The following CDKAL1 variants were observed in gnomAD, a reference collection of about 807,000 sequenced individuals.
CDKAL1 encodes the protein CDKAL1 threonylcarbamoyladenosine tRNA methylthiotransferase, also known as threonylcarbamoyladenosine tRNA methylthiotransferase.
Under a neutral mutation model 68.2 loss-of-function variants are expected in CDKAL1, and 32 were observed. The ratio of observed to expected loss-of-function variants is 0.47; its 90% CI spans 0.35 to 0.63. CDKAL1 has a LOEUF of 0.63. Among genes scored for constraint, CDKAL1 ranks in the 30% least tolerant of loss-of-function variants. The pLI, the probability that CDKAL1 is intolerant of heterozygous loss-of-function variation, is 0.00. For synonymous variants in CDKAL1, 234 were observed against 244.3 expected, an observed-to-expected ratio of 0.96 and a Z score of 0.39; for missense variants, 606 against 696.7, an observed-to-expected ratio of 0.87 and a Z score of 1.47.
intron 2 of CDKAL1, among the ~76,000 whole-genome samples, chr6:20,543,240 A>G (rs1474306306): frequency 6.6e-6 from 1 of 152,226 alleles, no homozygotes; most frequent in African/African-American, 2.4e-5. Context: ...AGAAAACACC[A>G]AACTGTTTAC....
At chr6:20,767,747 ATT>A (rs1293353602) in intron 7 of CDKAL1, among the ~76,000 whole-genome samples, 1 of 152,224 alleles carries the variant, frequency 6.6e-6, no homozygotes, top group Non-Finnish European at 1.5e-5. Context: ...CGATTTGAAC[ATT>A]TATTTCTAAT....
At chr6:20,891,815 G>A (rs956935017) in intron 9 of CDKAL1, among the ~76,000 whole-genome samples, 4 of 152,298 alleles carry the variant, frequency 2.6e-5, no homozygotes, top group South Asian at 2.1e-4. Context: ...TTACAGGCGT[G>A]AGCCACGGCG....
At chr6:20,647,155 C>T (rs1160118457) in intron 4 of CDKAL1, among the ~76,000 whole-genome samples, 1 of 152,132 alleles carries the variant, frequency 6.6e-6, no homozygotes. Context: ...CATAGTATTG[C>T]TTTGTCATTT....
intron 6 of CDKAL1, among the ~76,000 whole-genome samples, chr6:20,746,501 TG>T (rs1318526331): frequency 2.0e-5 from 3 of 152,190 alleles, no homozygotes; most frequent in Non-Finnish European, 2.9e-5. Flanking sequence ...GCTAGCTTAG[TG>T]ACTGCTGTCA....
intron 15 of CDKAL1, among the ~76,000 whole-genome samples, chr6:21,220,782 C>T (rs1484698127): frequency 6.6e-6 from 1 of 152,226 alleles, no homozygotes; most frequent in East Asian, 1.9e-4. Context: ...CACCTTTGCT[C>T]ATTCCTTCTT....
chr6:21,039,602 G>A (rs1243057212), intron 11 of CDKAL1, among the ~76,000 whole-genome samples: 1 of 152,132 alleles, frequency 6.6e-6, no homozygotes, highest in African/African-American at 2.4e-5. Context: ...CTTTGCACCT[G>A]TATTTTTGTT....
intron 15 of CDKAL1, among the ~76,000 whole-genome samples, chr6:21,226,284 G>GTTT (rs57712859): frequency 7.2e-6 from 1 of 138,724 alleles, no homozygotes; most frequent in African/African-American, 2.7e-5. Context: ...GAACATGAAA[G>GTTT]TTTTTTTTTT....
chr6:20,942,467 A>C (rs1292785695), intron 9 of CDKAL1, among the ~76,000 whole-genome samples: 3 of 149,818 alleles, frequency 2.0e-5, no homozygotes, highest in Non-Finnish European at 4.4e-5. Flanking sequence ...TCCTGGGTTC[A>C]AGCGATTCTC....
At chr6:21,229,519 C>G (rs1367713887) in intron 15 of CDKAL1, among the ~76,000 whole-genome samples, 1 of 152,148 alleles carries the variant, frequency 6.6e-6, no homozygotes, top group Admixed American at 6.5e-5. Flanking sequence ...GCTTCCCAAA[C>G]AGAAGCCAAA....
intron 13 of CDKAL1, among the ~76,000 whole-genome samples, chr6:21,197,725 C>T (rs1357203137): frequency 1.3e-5 from 2 of 152,156 alleles, no homozygotes; most frequent in Non-Finnish European, 2.9e-5. Context: ...GTCATAGAAG[C>T]TTTAATTATC....
At chr6:20,540,925 G>A (rs1220461267) in intron 2 of CDKAL1, among the ~76,000 whole-genome samples, 2 of 152,196 alleles carry the variant, frequency 1.3e-5, no homozygotes, top group Non-Finnish European at 2.9e-5. Flanking sequence ...CACCTAGGGA[G>A]TGCCTGAAAC....
chr6:20,868,499 G>T (rs1760024794), intron 9 of CDKAL1, among the ~76,000 whole-genome samples: 3 of 152,198 alleles, frequency 2.0e-5, no homozygotes, highest in South Asian at 2.1e-4. Context: ...ATTAATGCAG[G>T]CATCTGCAGA....
intron 5 of CDKAL1, among the ~76,000 whole-genome samples, chr6:20,734,084 G>C (rs923802156): frequency 6.6e-5 from 10 of 150,986 alleles, no homozygotes; most frequent in Admixed American, 6.6e-4. Flanking sequence ...GGGAGATAGA[G>C]GTTGCAGGGA....
chr6:20,567,720 T>A (rs957922225), intron 4 of CDKAL1, among the ~76,000 whole-genome samples: 6 of 152,062 alleles, frequency 3.9e-5, no homozygotes, highest in African/African-American at 1.4e-4. Context: ...ATTAATTAAT[T>A]ATTTTAATTT....
chr6:20,574,443 T>C lies in CDKAL1; in HGVS notation c.286+25738T>C, dbSNP rs541862459. ...AAATATGATGGGCAGACATTTTCTT[T>C]GGTGAAAAGTAGTTCATAGTTTACT... On this transcript the variant is annotated intron_variant, in intron 4 of 15. Coordinates refer to ENST00000274695, the MANE Select transcript of CDKAL1 (RefSeq NM_017774.3). 4.6e-5 allele frequency among the ~76,000 whole-genome samples: 7 copies of C among 152,308 alleles called. No individual in the cohort carries two copies. In the South Asian group the frequency reaches 6.2e-4, roughly 14 times the overall value.
At chr6:21,156,785 A>G (rs67645673) in intron 13 of CDKAL1, among the ~76,000 whole-genome samples, 39,401 of 151,980 alleles carry the variant, frequency 0.26, 5,560 homozygotes, top group African/African-American at 0.35. Flanking sequence ...GGAGAGGTGC[A>G]GAGAGATCCC....
intron 9 of CDKAL1, among the ~76,000 whole-genome samples, chr6:20,888,556 T>C (rs1189311862): frequency 8.0e-6 from 1 of 124,940 alleles, no homozygotes; most frequent in Non-Finnish European, 1.6e-5. Flanking sequence ...GTGTGTGTTG[T>C]TCCCCTTCCT....
chr6:20,783,693 T>G (rs1271828023), intron 8 of CDKAL1, among the ~76,000 whole-genome samples: 2 of 152,310 alleles, frequency 1.3e-5, no homozygotes, highest in African/African-American at 4.8e-5. Flanking sequence ...TCCACAACAT[T>G]CCCTATGTAT....
At chr6:20,897,166 T>G (rs1420861747) in intron 9 of CDKAL1, among the ~76,000 whole-genome samples, 1 of 152,146 alleles carries the variant, frequency 6.6e-6, no homozygotes, top group Non-Finnish European at 1.5e-5. Context: ...TGGGCTTCTT[T>G]TATAAGGACA....
Sources: allele counts gnomAD v4.1 joint callset (sites outside exome capture counted in the v4.1 genomes callset), GRCh38; gene constraint gnomAD v4.1.1; transcripts MANE v1.5; gene names NCBI Gene and HGNC (gene_info 2026-07-23, HGNC 2026-07-21).